PDE4A: variants seen among roughly 807,000 people sequenced by gnomAD.
PDE4A encodes the protein phosphodiesterase 4A, also known as 3',5'-cyclic-AMP phosphodiesterase 4A.
Under a neutral mutation model 73.9 loss-of-function variants are expected in PDE4A, and 21 were observed. That is an observed-to-expected ratio of 0.28 (90% CI 0.20 to 0.41). The LOEUF (loss-of-function observed/expected upper bound fraction) is 0.41. PDE4A is among the 10% of genes least tolerant of loss of function. The pLI is 1.00. For synonymous variants in PDE4A, 463 were observed against 505.4 expected (o/e 0.92, Z 1.13); for missense variants, 958 against 1,211.4 (o/e 0.79, Z 3.10).
At chr19:10,461,794 T>C in intron 12 of PDE4A, 83 bp from the exon 13 acceptor site, 1 of 1,579,986 alleles carries the variant, frequency 6.3e-7, no homozygotes, top group Non-Finnish European at 8.6e-7. Flanking sequence ...AGCGGGCGGC[T>C]TCTACCTGGT....
chr19:10,420,712 G>C lies in PDE4A; in HGVS notation c.-53G>C, dbSNP rs570159747. Reference sequence around the variant, plus strand: ...CGCTGGCTTGCGCGCAGCTGAGCGGGGTGTAGGTTGGAAGGGCCAGGGCCC... The same window carrying C: ...CGCTGGCTTGCGCGCAGCTGAGCGGCGTGTAGGTTGGAAGGGCCAGGGCCC... On this transcript the variant is annotated 5_prime_UTR_variant, in exon 1 of 15. Coordinates refer to ENST00000380702, the MANE Select transcript of PDE4A (RefSeq NM_001111307.2). This position sits in a 1 kb window ranked among gnomAD's most constrained non-coding sequence, Gnocchi z 6.0. 7.7e-6 allele frequency: 11 copies of C among 1,434,960 alleles called. No homozygotes were observed. In the South Asian group the frequency reaches 1.0e-4, roughly 13 times the overall value. The allele number at this position is 1,434,960 out of a possible 1,614,324, so 88.9% of individuals were successfully genotyped here. A position where few individuals can be genotyped will look rare whatever the true frequency, so the allele number is the denominator to read the frequency against.
At chr19:10,460,749 G>C (rs942644616) in intron 10 of PDE4A, among the ~76,000 whole-genome samples, 1 of 148,112 alleles carries the variant, frequency 6.8e-6, no homozygotes, top group African/African-American at 2.5e-5. Flanking sequence ...AGTGAGCCAA[G>C]ATCGTGCCAC....
At chr19:10,455,338 C>G (rs2043153562) in intron 7 of PDE4A, among the ~76,000 whole-genome samples, 1 of 151,968 alleles carries the variant, frequency 6.6e-6, no homozygotes, top group South Asian at 2.1e-4. Context: ...GTGGTGGGTG[C>G]CTGTAATCCC....
intron 5 of PDE4A, 71 bp from the exon 6 acceptor site, chr19:10,450,758 C>G: frequency 1.3e-6 from 2 of 1,577,958 alleles, no homozygotes; most frequent in Non-Finnish European, 8.6e-7. Context: ...AACCCCGTCA[C>G]GGCGGTCTGG....
In PDE4A at chr19:10,467,545, G is replaced by A; in HGVS notation, c.2585G>A (p.Cys862Tyr). Residue 862 changes from cysteine to tyrosine, a missense_variant, in exon 15 of 15, where the codon TGC (cysteine) becomes TAC (tyrosine). Coordinates refer to ENST00000380702, the MANE Select transcript of PDE4A (RefSeq NM_001111307.2). ...GCTGCCAAGAGGGCTTGCAGTGCCT[G>A]CGCAGGGACATTTGGGGAGGACACA... is the stretch of plus-strand genomic sequence containing the variant. Reference protein sequence around the residue: ...HQAAKRACSACAGTFGEDTSA... With the variant: ...HQAAKRACSAYAGTFGEDTSA... 1 of 1,611,688 alleles carries A rather than the reference G, an allele frequency of 6.2e-7. No homozygotes were observed. The highest frequency in any genetic ancestry group is 8.5e-7 in the Non-Finnish European group (1 of 1,179,150).
At chr19:10,431,920 T>G (rs1768678167) in intron 1 of PDE4A, among the ~76,000 whole-genome samples, 2 of 150,606 alleles carry the variant, frequency 1.3e-5, no homozygotes, top group Non-Finnish European at 2.9e-5. Flanking sequence ...CTGTCTCTTC[T>G]GTCTCTGTTT....
chr19:10,457,065 G>A (rs2043181695), intron 7 of PDE4A, among the ~76,000 whole-genome samples: 1 of 152,190 alleles, frequency 6.6e-6, no homozygotes. Context: ...GGGCGCGGTG[G>A]CGGGTGCCTG....
intron 4 of PDE4A, 126 bp downstream of exon 4, chr19:10,449,276 C>A: frequency 2.0e-6 from 2 of 993,330 alleles, no homozygotes; most frequent in South Asian, 1.5e-5. Context: ...CAGACAACAG[C>A]TCCCAGAAAG....
intron 1 of PDE4A, chr19:10,431,050 G>A: frequency 6.3e-7 from 1 of 1,576,014 alleles, no homozygotes. Flanking sequence ...CTCCGCAGCT[G>A]CCAGGATTTG....
At chr19:10,418,802 C>A, upstream of PDE4A, 1 of 985,336 alleles carries the variant, frequency 1.0e-6, no homozygotes, top group Non-Finnish European at 1.2e-6. Context: ...CAGCATACCC[C>A]GCCAAGAATT....
Position 10,446,208 on chromosome 19 carries a change from T to C in PDE4A, c.321-10T>C, listed in dbSNP as rs202182865. ...GCCTCCTGACCCCTCTTCTCGCCCA[T>C]CCCCTGCAGCTTCGAGGCAGAGAAT... On this transcript the variant is annotated splice_polypyrimidine_tract_variant and intron_variant, in intron 1 of 14. Transcript: ENST00000380702. 12 of 1,556,878 alleles carry C rather than the reference T, an allele frequency of 7.7e-6. No homozygotes were observed. The highest frequency in any genetic ancestry group is 9.6e-6 in the Non-Finnish European group (11 of 1,150,222).
intron 1 of PDE4A, among the ~76,000 whole-genome samples, chr19:10,442,255 G>A (rs1214019653): frequency 6.6e-6 from 1 of 152,090 alleles, no homozygotes; most frequent in African/African-American, 2.4e-5. Flanking sequence ...TCCTAGGCCT[G>A]CCAGGCACCT....
rs1211561144 is a variant in PDE4A, at chr19:10,446,276, G to A, written c.379G>A (p.Ala127Thr). The change falls in exon 2 of 15, where the codon GCG (alanine) becomes ACG (threonine). Residue 127 changes from alanine (A) to threonine (T), a missense_variant. Around this residue, in one of 3 missense-constraint regions of PDE4A, gnomAD observed 570 missense variants for 827.7 expected, o/e 0.69. Coordinates refer to ENST00000380702, the MANE Select transcript of PDE4A (RefSeq NM_001111307.2). ...SPGRSPLDSQ[A>T]SPGLVLHAGA... ...TGGCCGCAGCCCCCTGGACTCGCAG[G>A]CGAGCCCAGGACTCGTGCTGCACGC... 1.9e-6 allele frequency: 3 copies of A among 1,605,876 alleles called. No individual in the cohort carries two copies. Among genetic ancestry groups the A allele is most frequent in the South Asian group, 1.1e-5 (1 of 90,002 alleles).
In PDE4A at chr19:10,421,015, T is replaced by A; in HGVS notation, c.251T>A (p.Met84Lys). 1 of 1,491,716 alleles carries A rather than the reference T, an allele frequency of 6.7e-7. No individual in the cohort carries two copies. The highest frequency in any genetic ancestry group is 8.8e-7 in the Non-Finnish European group (1 of 1,130,282). 92.4% of individuals were successfully genotyped at this position (1,491,716 alleles called of 1,614,324 possible). Residue 84 changes from methionine (M) to lysine (K), a missense_variant, in exon 1 of 15, where the codon ATG becomes AAG. Met to Lys is a moderately conservative substitution (Grantham distance 95, BLOSUM62 -1). Around this residue, in one of 3 missense-constraint regions of PDE4A, gnomAD observed 145 missense variants for 137.8 expected, o/e 1.05. Coordinates refer to ENST00000380702, the MANE Select transcript of PDE4A (RefSeq NM_001111307.2). The part of the protein sequence containing the change: ...SDRPGLRTTR[M>K]SWPSSFHGTG... ...CGGCCCGGCCTGCGCACGACCCGCATGTCCTGGCCCTCGTCCTTCCATGGC... is the reference window on the plus strand; with the variant it reads ...CGGCCCGGCCTGCGCACGACCCGCAAGTCCTGGCCCTCGTCCTTCCATGGC...
chr19:10,448,772 C>CT, intron 2 of PDE4A, 145 bp from the exon 3 acceptor site: 1 of 1,473,056 alleles, frequency 6.8e-7, no homozygotes, highest in Non-Finnish European at 9.1e-7. Context: ...CATATCCACC[C>CT]TTATGCAGTA....
chr19:10,421,331 G>A, intron 1 of PDE4A: 4 of 985,432 alleles, frequency 4.1e-6, no homozygotes, highest in Non-Finnish European at 4.8e-6. Flanking sequence ...TGTTAACGAG[G>A]TCTGGGTTGG....
rs537524382 is a variant in PDE4A at position 10,440,306 on chromosome 19, C to T, written c.321-5912C>T. Among the ~76,000 whole-genome samples, 4 of 152,084 alleles carry T rather than the reference C, an allele frequency of 2.6e-5. No individual in the cohort carries two copies. The East Asian group carries it at 5.8e-4, about 22-fold the overall frequency. On this transcript the variant is annotated intron_variant, in intron 1 of 14. Coordinates refer to ENST00000380702, the MANE Select transcript of PDE4A (RefSeq NM_001111307.2). ...ACCTGTATCTCTTTCTTTTGATTTGCGTTTCCCTGATGAGTGATGTTAAGG... is the reference window on the plus strand; with the variant it reads ...ACCTGTATCTCTTTCTTTTGATTTGTGTTTCCCTGATGAGTGATGTTAAGG...
intron 1 of PDE4A, 76 bp from the exon 2 acceptor site, chr19:10,446,142 C>T: frequency 6.6e-7 from 1 of 1,507,608 alleles, no homozygotes; most frequent in Non-Finnish European, 8.9e-7. Context: ...GCCACCGCAC[C>T]CGGCCTCCTC....
chr19:10,423,347 T>TG (rs1438972793), intron 1 of PDE4A, among the ~76,000 whole-genome samples: 1 of 151,636 alleles, frequency 6.6e-6, no homozygotes, highest in African/African-American at 2.4e-5. Context: ...TTAGTAGAGA[T>TG]GGGGTTTCAC....
Sources: allele counts gnomAD v4.1 joint callset (sites outside exome capture counted in the v4.1 genomes callset), GRCh38; gene constraint gnomAD v4.1.1; regional missense constraint gnomAD v4.1.1; non-coding constraint Gnocchi (gnomAD v3.1); transcripts MANE v1.5; gene names NCBI Gene and HGNC (gene_info 2026-07-23, HGNC 2026-07-21).